Variants in SPMIP2 observed in about 807,000 individuals in gnomAD.
SPMIP2 encodes the protein sperm microtubule inner protein 2.
the SPMIP2 span, among the ~76,000 whole-genome samples, chr4:158,931,194 T>C: frequency 1.3e-5 from 2 of 152,294 alleles, no homozygotes; most frequent in African/African-American, 4.8e-5. Flanking sequence ...ACAAATCTAC[T>C]CTTGAGCTCC....
chr4:158,939,272 T>C, the SPMIP2 span, among the ~76,000 whole-genome samples: 1 of 152,216 alleles, frequency 6.6e-6, no homozygotes, highest in Non-Finnish European at 1.5e-5. Context: ...ATCCAACTTA[T>C]TTTAGTTACT....
the SPMIP2 span, among the ~76,000 whole-genome samples, chr4:158,922,827 A>AACCC: frequency 2.0e-5 from 3 of 152,214 alleles, no homozygotes; most frequent in African/African-American, 7.2e-5. Context: ...TATAAATGGA[A>AACCC]TCATACAAAA....
the SPMIP2 span, among the ~76,000 whole-genome samples, chr4:159,068,546 A>G: frequency 6.6e-6 from 1 of 151,932 alleles, no homozygotes; most frequent in Non-Finnish European, 1.5e-5. Context: ...GCATTTGGAG[A>G]TATACCTAAT....
the SPMIP2 span, among the ~76,000 whole-genome samples, chr4:159,018,980 C>T: frequency 6.6e-6 from 1 of 152,120 alleles, no homozygotes; most frequent in Admixed American, 6.5e-5. Flanking sequence ...GTCCCAGCTA[C>T]TCAGGAGGCT....
At chr4:158,982,796 A>G in the SPMIP2 span, among the ~76,000 whole-genome samples, 1 of 152,240 alleles carries the variant, frequency 6.6e-6, no homozygotes, top group Non-Finnish European at 1.5e-5. Context: ...ACACCCTAGA[A>G]CAAAGCTGGA....
At chr4:159,033,208 T>C in the SPMIP2 span, among the ~76,000 whole-genome samples, 1 of 151,586 alleles carries the variant, frequency 6.6e-6, no homozygotes, top group Non-Finnish European at 1.5e-5. Flanking sequence ...AAAGACTACA[T>C]ACTGTATAAC....
At chr4:159,053,911 C>T in the SPMIP2 span, among the ~76,000 whole-genome samples, 1 of 130,076 alleles carries the variant, frequency 7.7e-6, no homozygotes, top group African/African-American at 2.9e-5. Context: ...CATAGTGAAA[C>T]TTGTCTCAAA....
chr4:159,036,941 A>G, the SPMIP2 span, among the ~76,000 whole-genome samples: 2 of 152,260 alleles, frequency 1.3e-5, no homozygotes, highest in Non-Finnish European at 2.9e-5. Context: ...TGAAACTACC[A>G]TTTTCCAAGG....
the SPMIP2 span, among the ~76,000 whole-genome samples, chr4:158,982,794 G>C: frequency 1.3e-5 from 2 of 151,866 alleles, no homozygotes; most frequent in Non-Finnish European, 2.9e-5. Flanking sequence ...TGACACCCTA[G>C]AACAAAGCTG....
At chr4:158,895,538 A>C in the SPMIP2 span, among the ~76,000 whole-genome samples, 1 of 152,228 alleles carries the variant, frequency 6.6e-6, no homozygotes, top group Admixed American at 6.5e-5. Flanking sequence ...TGTAAATCTT[A>C]ATAGTTAGCA....
the SPMIP2 span, among the ~76,000 whole-genome samples, chr4:159,057,699 T>C: frequency 6.6e-6 from 1 of 152,206 alleles, no homozygotes; most frequent in African/African-American, 2.4e-5. Flanking sequence ...AATAAAATAT[T>C]ATAAATGTAT....
the SPMIP2 span, chr4:159,026,229 A>G: frequency 1.0e-5 from 5 of 491,766 alleles, no homozygotes; most frequent in Non-Finnish European, 2.0e-5. Context: ...AAATGGGCAC[A>G]ATGGCCAAGC....
the SPMIP2 span, among the ~76,000 whole-genome samples, chr4:159,073,018 A>G: frequency 6.6e-6 from 1 of 152,182 alleles, no homozygotes; most frequent in Non-Finnish European, 1.5e-5. Context: ...TTGTTAATGC[A>G]TATGCAAATT....
the SPMIP2 span, chr4:158,915,251 A>G: frequency 1.9e-6 from 3 of 1,613,794 alleles, no homozygotes; most frequent in Non-Finnish European, 2.5e-6. Flanking sequence ...TAACAAGAAT[A>G]GCCCATTTGG....
chr4:158,943,859 T>TA, the SPMIP2 span, among the ~76,000 whole-genome samples: 23 of 31,176 alleles, frequency 7.4e-4, no homozygotes, highest in Non-Finnish European at 1.2e-3. Flanking sequence ...TGACATTTTC[T>TA]TTTTTTTTTT....
At chr4:158,971,291 G>C in the SPMIP2 span, among the ~76,000 whole-genome samples, 4 of 152,184 alleles carry the variant, frequency 2.6e-5, no homozygotes, top group South Asian at 8.3e-4. Flanking sequence ...GCCTTGCTTT[G>C]GGGCTGGACT....
chr4:158,914,209 A>C, the SPMIP2 span, among the ~76,000 whole-genome samples: 1 of 152,238 alleles, frequency 6.6e-6, no homozygotes, highest in African/African-American at 2.4e-5. Flanking sequence ...GCAATAAATC[A>C]TTTCACTTGG....
chr4:159,069,226 C>T, the SPMIP2 span, among the ~76,000 whole-genome samples: 1 of 152,092 alleles, frequency 6.6e-6, no homozygotes, highest in Admixed American at 6.5e-5. Flanking sequence ...TCTCTTGAAC[C>T]TGGGAGGCGA....
At chr4:159,073,585 T>C in the SPMIP2 span, among the ~76,000 whole-genome samples, 1 of 152,096 alleles carries the variant, frequency 6.6e-6, no homozygotes, top group African/African-American at 2.4e-5. Context: ...ACTTTAAAAA[T>C]AAGAAGAAAT....
Sources: allele counts gnomAD v4.1 joint callset (sites outside exome capture counted in the v4.1 genomes callset), GRCh38; gene constraint gnomAD v4.1.1; transcripts MANE v1.5; gene names NCBI Gene and HGNC (gene_info 2026-07-23, HGNC 2026-07-21).